COLEC10: variants seen among roughly 807,000 people sequenced by gnomAD.
The protein encoded by COLEC10 is collectin-10.
In COLEC10, 22 loss-of-function variants were observed where a neutral mutation model predicts 28.4. The observed-to-expected ratio is 0.78, with a 90% CI of 0.55 to 1.11. The LOEUF is 1.11. COLEC10 is among the 50% of genes least tolerant of loss of function. The pLI, the probability that COLEC10 is intolerant of heterozygous loss-of-function variation, is 0.00. For synonymous variants in COLEC10, 125 were observed against 116.1 expected (o/e 1.08, Z -0.49); for missense variants, 361 against 344.1 (o/e 1.05, Z -0.39).
intron 2 of COLEC10, among the ~76,000 whole-genome samples, chr8:119,054,325 G>A (rs1401558434): frequency 6.6e-6 from 1 of 152,088 alleles, no homozygotes; most frequent in Non-Finnish European, 1.5e-5. Context: ...GCAGATAAGA[G>A]GAGACTACTG....
intron 3 of COLEC10, among the ~76,000 whole-genome samples, chr8:119,101,982 T>TAA (rs144008489): frequency 1.1e-4 from 16 of 151,812 alleles, no homozygotes; most frequent in African/African-American, 3.9e-4. Flanking sequence ...GCCATGTTAT[T>TAA]AAAAAAAATG....
intron 1 of COLEC10, among the ~76,000 whole-genome samples, chr8:119,079,905 C>A (rs1375515773): frequency 6.6e-6 from 1 of 152,012 alleles, no homozygotes; most frequent in Non-Finnish European, 1.5e-5. Flanking sequence ...CTCTAGTAAG[C>A]ACCCCATAAA....
At chr8:118,967,911 T>C in the COLEC10 span, among the ~76,000 whole-genome samples, 4 of 152,002 alleles carry the variant, frequency 2.6e-5, no homozygotes, top group Admixed American at 1.3e-4. Flanking sequence ...GGTGGATAAT[T>C]AAGGATGGTG....
chr8:118,966,194 C>G, the COLEC10 span, among the ~76,000 whole-genome samples: 6,941 of 152,094 alleles, frequency 0.046, 195 homozygotes, highest in African/African-American at 0.072. Flanking sequence ...TTAGTAGATC[C>G]TTATAAAGCA....
At chr8:119,013,237 A>G (rs1245138687) in intron 2 of COLEC10, among the ~76,000 whole-genome samples, 1 of 150,430 alleles carries the variant, frequency 6.6e-6, no homozygotes, top group Non-Finnish European at 1.5e-5. Flanking sequence ...GTTATTTAGA[A>G]GTGCGTTGTT....
chr8:119,072,618 G>A (rs983060728), intron 1 of COLEC10, among the ~76,000 whole-genome samples: 2 of 152,154 alleles, frequency 1.3e-5, no homozygotes, highest in African/African-American at 4.8e-5. Context: ...TAGCAAGCCA[G>A]AGAGGCCCCT....
chr8:119,048,289 C>T (rs1013173611), intron 2 of COLEC10, among the ~76,000 whole-genome samples: 2 of 152,230 alleles, frequency 1.3e-5, no homozygotes, highest in Non-Finnish European at 1.5e-5. Flanking sequence ...TTATAATCTA[C>T]AGCTCCATCC....
chr8:119,042,462 C>A (rs368936096), intron 2 of COLEC10, among the ~76,000 whole-genome samples: 2 of 152,032 alleles, frequency 1.3e-5, no homozygotes, highest in Non-Finnish European at 2.9e-5. Context: ...AGATTTTGCA[C>A]TAAGGTAGCA....
the COLEC10 span, among the ~76,000 whole-genome samples, chr8:118,962,787 C>T: frequency 6.6e-6 from 1 of 152,194 alleles, no homozygotes; most frequent in Non-Finnish European, 1.5e-5. Flanking sequence ...CCCCTCAGCC[C>T]TCAGCAAACA....
chr8:119,069,605 CAAAA>C (rs138362458), intron 1 of COLEC10, among the ~76,000 whole-genome samples: 125 of 8,738 alleles, frequency 0.014, no homozygotes, highest in African/African-American at 0.029. Flanking sequence ...GACCCCATCT[CAAAA>C]AAAAAAAAAA....
chr8:119,005,019 T>C (rs773403534), intron 1 of COLEC10, among the ~76,000 whole-genome samples: 12 of 152,126 alleles, frequency 7.9e-5, no homozygotes, highest in Non-Finnish European at 1.8e-4. Flanking sequence ...GTTATTTCCA[T>C]GCTCAAAATC....
At chr8:118,961,518 G>A in the COLEC10 span, among the ~76,000 whole-genome samples, 1 of 152,156 alleles carries the variant, frequency 6.6e-6, no homozygotes, top group Admixed American at 6.5e-5. Context: ...TGCAGAAACT[G>A]GTCAACAACA....
chr8:119,002,114 A>G (rs1813712425), intron 1 of COLEC10, among the ~76,000 whole-genome samples: 1 of 152,212 alleles, frequency 6.6e-6, no homozygotes, highest in African/African-American at 2.4e-5. Context: ...CTTCATAAAC[A>G]TCAATACTCA....
intron 1 of COLEC10, among the ~76,000 whole-genome samples, chr8:119,081,005 A>T (rs1379602165): frequency 6.6e-6 from 1 of 152,012 alleles, no homozygotes; most frequent in Non-Finnish European, 1.5e-5. Flanking sequence ...TTTATTTTTA[A>T]TCGGTCCCAT....
At chr8:119,062,163 G>C (rs1035100278) in intron 2 of COLEC10, among the ~76,000 whole-genome samples, 1 of 151,930 alleles carries the variant, frequency 6.6e-6, no homozygotes, top group Admixed American at 6.6e-5. Flanking sequence ...ATAATATTAA[G>C]TTACTAGGAT....
At chr8:119,043,812 C>T (rs114754785) in intron 2 of COLEC10, among the ~76,000 whole-genome samples, 2,196 of 152,294 alleles carry the variant, frequency 0.014, 50 homozygotes, top group African/African-American at 0.05. Context: ...TAGTCCAACA[C>T]TCTCCTTTAA....
chr8:119,102,206 TCCTTCCTCCCTCCCTCCCTCCCTC>T lies in COLEC10; in HGVS notation c.293-138_293-115del, dbSNP rs1402939204. On this transcript the variant is annotated intron_variant, in intron 3 of 5. Coordinates refer to ENST00000332843, the MANE Select transcript of COLEC10 (RefSeq NM_006438.5). The stretch of plus-strand genomic sequence containing the variant: ...GCTTTGACTCTAGATGTAAATTCAC[TCCTTCCTCCCTCCCTCCCTCCCTC>T]CCTCCCTCCCTCCTTCCTTCTTTTC... The T allele has an allele frequency of 3.3e-5, 12 of 361,662 alleles. 2 individuals carry two copies. Among genetic ancestry groups the T allele is most frequent in the Non-Finnish European group, 5.5e-5 (11 of 198,424 alleles). The allele number at this position is 361,662 out of a possible 1,614,324, so 22.4% of individuals were successfully genotyped here.
chr8:119,029,692 C>G (rs1814253918), intron 2 of COLEC10, among the ~76,000 whole-genome samples: 1 of 148,336 alleles, frequency 6.7e-6, no homozygotes, highest in African/African-American at 2.5e-5. Context: ...AAATAGGGAC[C>G]TGTTCCCTAG....
At chr8:119,032,539 G>T (rs1814307616) in intron 2 of COLEC10, among the ~76,000 whole-genome samples, 1 of 152,126 alleles carries the variant, frequency 6.6e-6, no homozygotes, top group Non-Finnish European at 1.5e-5. Context: ...TTAGATTATT[G>T]CCCATCTCTT....
Sources: gnomAD v4.1 joint callset for allele counts (sites outside exome capture counted in the v4.1 genomes callset) on GRCh38, gnomAD v4.1.1 for gene constraint, MANE v1.5 for transcripts, NCBI Gene and HGNC (gene_info 2026-07-23, HGNC 2026-07-21) for gene names.